TBC1D19: variants seen among roughly 807,000 people sequenced by gnomAD.
TBC1D19 encodes TBC1 domain family, member 19.
Under a neutral mutation model 89.0 loss-of-function variants are expected in TBC1D19, and 60 were observed. That is an observed-to-expected ratio of 0.67 (90% CI 0.55 to 0.84). TBC1D19 has a LOEUF of 0.84. TBC1D19 is among the 40% of genes least tolerant of loss of function. TBC1D19 has a pLI of 0.00. For synonymous variants in TBC1D19, 189 were observed against 199.7 expected (o/e 0.95, Z 0.45); for missense variants, 500 against 610.8 (o/e 0.82, Z 1.91).
intron 7 of TBC1D19, among the ~76,000 whole-genome samples, chr4:26,649,002 T>A (rs1439426802): frequency 6.6e-6 from 1 of 152,064 alleles, no homozygotes; most frequent in Non-Finnish European, 1.5e-5. Context: ...ATATTTTTAT[T>A]TTTCTGTTAC....
At chr4:26,818,546 G>A in the TBC1D19 span, among the ~76,000 whole-genome samples, 1 of 152,274 alleles carries the variant, frequency 6.6e-6, no homozygotes, top group South Asian at 2.1e-4. Context: ...GTGAGCCACC[G>A]CGGCTGGCCT....
the TBC1D19 span, among the ~76,000 whole-genome samples, chr4:26,839,464 G>T: frequency 6.6e-6 from 1 of 151,966 alleles, no homozygotes; most frequent in South Asian, 2.1e-4. Flanking sequence ...CAGAGCTCTT[G>T]CTTCATTTCA....
chr4:26,636,232 G>C (rs1449111515), intron 4 of TBC1D19, among the ~76,000 whole-genome samples: 2 of 151,884 alleles, frequency 1.3e-5, no homozygotes, highest in Non-Finnish European at 2.9e-5. Context: ...GCCAGAAGTG[G>C]TCTGTAGGCA....
intron 12 of TBC1D19, 136 bp downstream of exon 12, chr4:26,683,885 ATAAAGT>A: frequency 6.0e-6 from 4 of 665,480 alleles, no homozygotes; most frequent in East Asian, 3.3e-5. Context: ...ATTTATACAT[ATAAAGT>A]TAAAGTTGGT....
the TBC1D19 span, among the ~76,000 whole-genome samples, chr4:26,812,253 T>TA: frequency 6.6e-6 from 1 of 152,176 alleles, no homozygotes; most frequent in African/African-American, 2.4e-5. This position sits in a 1 kb window ranked among gnomAD's most constrained non-coding sequence, Gnocchi z 4.2. Flanking sequence ...GCTCATTGTT[T>TA]AATAGATGGA....
At chr4:26,834,552 G>A in the TBC1D19 span, among the ~76,000 whole-genome samples, 3 of 152,060 alleles carry the variant, frequency 2.0e-5, no homozygotes, top group South Asian at 4.2e-4. Context: ...TATGGGGGGC[G>A]GGGGTGGTGC....
intron 7 of TBC1D19, among the ~76,000 whole-genome samples, chr4:26,643,163 T>C (rs915611806): frequency 2.0e-5 from 3 of 152,104 alleles, no homozygotes; most frequent in Non-Finnish European, 2.9e-5. Flanking sequence ...TCAAAATTGA[T>C]CACATAGTTG....
At chr4:26,592,846 A>T (rs1739912554) in intron 1 of TBC1D19, among the ~76,000 whole-genome samples, 1 of 152,212 alleles carries the variant, frequency 6.6e-6, no homozygotes, top group South Asian at 2.1e-4. Context: ...AGAGGATACA[A>T]ACAGATGGAA....
At chr4:26,626,115 A>G (rs1334460171) in intron 4 of TBC1D19, among the ~76,000 whole-genome samples, 1 of 152,152 alleles carries the variant, frequency 6.6e-6, no homozygotes, top group Non-Finnish European at 1.5e-5. Context: ...TATTTACATC[A>G]GTATGGACTC....
chr4:26,752,582 A>C (rs557083952), intron 19 of TBC1D19, among the ~76,000 whole-genome samples: 1 of 152,142 alleles, frequency 6.6e-6, no homozygotes, highest in South Asian at 2.1e-4. Flanking sequence ...CCTAAACTTC[A>C]ATGACTTGTT....
At chr4:26,789,983 T>A in the TBC1D19 span, among the ~76,000 whole-genome samples, 1 of 152,200 alleles carries the variant, frequency 6.6e-6, no homozygotes, top group Admixed American at 6.5e-5. Context: ...GGGAGCTGAA[T>A]AATGTACAGA....
chr4:26,639,189 C>T (rs1240192040), intron 6 of TBC1D19, among the ~76,000 whole-genome samples: 2 of 152,152 alleles, frequency 1.3e-5, no homozygotes, highest in Non-Finnish European at 2.9e-5. Flanking sequence ...GCTAAGACTA[C>T]AGGCACACAC....
chr4:26,833,946 A>C, the TBC1D19 span, among the ~76,000 whole-genome samples: 1 of 152,134 alleles, frequency 6.6e-6, no homozygotes, highest in African/African-American at 2.4e-5. Context: ...CCCAAATCTC[A>C]TGTCAAATGG....
chr4:26,582,127 GTTTA>G (rs1408300277), upstream of TBC1D19, among the ~76,000 whole-genome samples: 5 of 151,990 alleles, frequency 3.3e-5, no homozygotes, highest in Non-Finnish European at 4.4e-5. Flanking sequence ...ATGTTGCTAT[GTTTA>G]TTTAGTTACT....
chr4:26,843,840 G>C, the TBC1D19 span, among the ~76,000 whole-genome samples: 2 of 152,186 alleles, frequency 1.3e-5, no homozygotes, highest in Non-Finnish European at 2.9e-5. Context: ...ACCCATGACA[G>C]AAGGTGAAGC....
intron 15 of TBC1D19, among the ~76,000 whole-genome samples, chr4:26,722,280 C>T (rs1276252179): frequency 6.6e-6 from 1 of 152,074 alleles, no homozygotes; most frequent in Non-Finnish European, 1.5e-5. Flanking sequence ...AAGCAAGAAA[C>T]AATAACAAAA....
At chr4:26,791,472 A>C in the TBC1D19 span, among the ~76,000 whole-genome samples, 1 of 152,058 alleles carries the variant, frequency 6.6e-6, no homozygotes, top group Admixed American at 6.6e-5. Context: ...GCATGGCATG[A>C]TCTGATTTAT....
chr4:26,616,907 C>T (rs888188998), intron 3 of TBC1D19, among the ~76,000 whole-genome samples: 2 of 152,064 alleles, frequency 1.3e-5, no homozygotes, highest in Admixed American at 1.3e-4. Flanking sequence ...TGATTGAATG[C>T]TTATTTTATG....
intron 19 of TBC1D19, among the ~76,000 whole-genome samples, chr4:26,753,250 A>G (rs1719073539): frequency 6.6e-6 from 1 of 152,222 alleles, no homozygotes; most frequent in African/African-American, 2.4e-5. Context: ...TAATCTGTTT[A>G]AAAATTCAGC....
Sources: gnomAD v4.1 joint callset for allele counts (sites outside exome capture counted in the v4.1 genomes callset) on GRCh38, gnomAD v4.1.1 for gene constraint, Gnocchi (gnomAD v3.1) non-coding constraint, MANE v1.5 for transcripts, NCBI Gene and HGNC (gene_info 2026-07-23, HGNC 2026-07-21) for gene names.